Variants in DHFR2 observed in about 807,000 individuals in gnomAD.
DHFR2 encodes dihydrofolate reductase 2, mitochondrial.
DHFR2 carries 11 observed loss-of-function variants against 12.0 expected under a neutral mutation model. That is an observed-to-expected ratio of 0.92 (90% CI 0.58 to 1.52). The LOEUF is 1.52. Among genes scored for constraint, DHFR2 ranks in the 40% most tolerant of loss-of-function variants. DHFR2 has a pLI of 0.00. For synonymous variants in DHFR2, 87 were observed against 79.6 expected, an observed-to-expected ratio of 1.09 and a Z score of -0.49; for missense variants, 188 against 221.2, an observed-to-expected ratio of 0.85 and a Z score of 0.95.
intron 1 of DHFR2, among the ~76,000 whole-genome samples, chr3:94,061,841 T>G (rs2077177239): frequency 6.6e-6 from 1 of 151,940 alleles, no homozygotes; most frequent in Non-Finnish European, 1.5e-5. Flanking sequence ...ATTATCATAG[T>G]CTTTTGTACC....
chr3:94,061,906 T>C (rs2077177608), intron 1 of DHFR2, among the ~76,000 whole-genome samples: 1 of 151,924 alleles, frequency 6.6e-6, no homozygotes, highest in Non-Finnish European at 1.5e-5. Flanking sequence ...CTTGTTTAAA[T>C]AAATAAATAT....
Position 94,061,802 on chromosome 3 carries a change from A to G in DHFR2, c.-95-196T>C, listed in dbSNP as rs1022204842. ...TTTCCACAAACATTAAACAGACGGC[A>G]TCCAAGAGATGGCATCATTTCATTC... On this transcript the variant is annotated intron_variant, in intron 1 of 1. Transcript: ENST00000314636. Among the ~76,000 whole-genome samples the G allele has an allele frequency of 5.0e-4, 76 of 151,754 alleles. 1 individual carries two copies. The highest frequency in any genetic ancestry group is 6.6e-5 in the Admixed American group (1 of 15,248).
Position 94,058,308 on chromosome 3 carries a change from A to C in DHFR2, c.*2640T>G, listed in dbSNP as rs1351735290. ...TTTTTAGTTTTTCAAGTGAATACATATATTAATACATGTAATCTTTAAAAG... is the reference window on the plus strand; with the variant it reads ...TTTTTAGTTTTTCAAGTGAATACATCTATTAATACATGTAATCTTTAAAAG... On this transcript the variant is annotated 3_prime_UTR_variant, in exon 2 of 2. Coordinates refer to ENST00000314636, the MANE Select transcript of DHFR2 (RefSeq NM_176815.5). The C allele has an allele frequency of 1.3e-5, 2 of 152,128 alleles. No homozygotes were observed. The highest frequency in any genetic ancestry group is 2.9e-5 in the Non-Finnish European group (2 of 68,018). The allele number at this position is 152,128 out of a possible 1,614,324, so 9.4% of individuals were successfully genotyped here.
At position 94,058,732 on chromosome 3, in the gene DHFR2, GT is replaced by G. The variant is rs1221588717; in HGVS notation, c.*2215del. 0.036 allele frequency: 4,620 copies of G among 126,738 alleles called. 126 individuals carry two copies. The highest frequency in any genetic ancestry group is 0.091 in the African/African-American group (3,093 of 34,044). 7.9% of individuals were successfully genotyped at this position (126,738 alleles called of 1,614,324 possible). The stretch of plus-strand genomic sequence containing the variant: ...CAACCCTTCCCCCTTGTTTTTTTTT[GT>G]TTTTTTTTTTTTTTACTTTTGCTTT... On this transcript the variant is annotated 3_prime_UTR_variant, in exon 2 of 2. Coordinates refer to ENST00000314636, the MANE Select transcript of DHFR2 (RefSeq NM_176815.5).
rs2077184362 is a variant in DHFR2 at position 94,062,791 on chromosome 3, G to T, written c.-141C>A. On this transcript the variant is annotated 5_prime_UTR_variant, in exon 1 of 2. Transcript: ENST00000314636. Reference sequence around the variant, plus strand: ...GGGCCGCACAGGCGCGCAGATGTGTGACTTTCTAAGGTCCGGCCGCCCAAA... The same window carrying T: ...GGGCCGCACAGGCGCGCAGATGTGTTACTTTCTAAGGTCCGGCCGCCCAAA... 5.9e-6 allele frequency: 2 copies of T among 336,646 alleles called. No homozygotes were observed. Among genetic ancestry groups the T allele is most frequent in the Non-Finnish European group, 1.1e-5 (2 of 178,220 alleles). The allele number at this position is 336,646 out of a possible 1,614,324, so 20.9% of individuals were successfully genotyped here.
upstream of DHFR2, chr3:94,063,075 T>G: frequency 6.2e-7 from 1 of 1,612,320 alleles, no homozygotes; most frequent in Non-Finnish European, 8.5e-7. Flanking sequence ...CCCTGGAGGC[T>G]TTTTGATACT....
chr3:94,062,208 A>G (rs1192931218), intron 1 of DHFR2, among the ~76,000 whole-genome samples: 1 of 152,184 alleles, frequency 6.6e-6, no homozygotes, highest in Non-Finnish European at 1.5e-5. Flanking sequence ...TGTAAAGGTG[A>G]ATTGGGGAGG....
Position 94,061,463 on chromosome 3 carries a change from T to C in DHFR2, c.49A>G (p.Ile17Val), listed in dbSNP as rs2077174553. The C allele has an allele frequency of 1.9e-6, 3 of 1,614,220 alleles. No individual in the cohort carries two copies. The highest frequency in any genetic ancestry group is 2.5e-6 in the Non-Finnish European group (3 of 1,180,048). Residue 17 changes from isoleucine to valine, a missense_variant, in exon 2 of 2, where the codon ATC becomes GTC. By Grantham distance (29) the Ile-to-Val change is conservative. Coordinates refer to ENST00000314636, the MANE Select transcript of DHFR2 (RefSeq NM_176815.5). ...CIVAVSQNMG[I>V]GKNGDLPRPP... ...CTGGGCAGGTCCCCGTTCTTGCCGA[T>C]GCCCATGTTTTGGGACACAGCGACG...
Position 94,061,593 on chromosome 3 carries a change from A to T in DHFR2, c.-82T>A, listed in dbSNP as rs1309391772. 49 of 1,585,756 alleles carry T rather than the reference A, an allele frequency of 3.1e-5. No homozygotes were observed. The highest frequency in any genetic ancestry group is 3.9e-5 in the Non-Finnish European group (46 of 1,165,868). The stretch of plus-strand genomic sequence containing the variant: ...AATGCCGCGAAATTCCCTTCTTCAA[A>T]TTTTTTTACGTGCCTACATTGCAAA... On this transcript the variant is annotated 5_prime_UTR_variant, in exon 2 of 2. Coordinates refer to ENST00000314636, the MANE Select transcript of DHFR2 (RefSeq NM_176815.5).
chr3:94,061,308 TA>T lies in DHFR2; in HGVS notation c.203del (p.Leu68Ter). 3 of 1,614,026 alleles carry T rather than the reference TA, an allele frequency of 1.9e-6. No homozygotes were observed. The highest frequency in any genetic ancestry group is 2.5e-6 in the Non-Finnish European group (3 of 1,179,902). Reference sequence around the variant, plus strand: ...TGAGAACTAAATTAATTCTATCCTTTAAAGGTCGATTCTTCTCAGGAATGGA... The same window carrying T: ...TGAGAACTAAATTAATTCTATCCTTTAAGGTCGATTCTTCTCAGGAATGGA... ...WFSIPEKNRP[L>X]KDRINLVLSR... is the part of the protein sequence containing the mutation. On this transcript the variant is annotated frameshift_variant, in exon 2 of 2. Transcript: ENST00000314636. LOFTEE classifies it high-confidence loss of function.
At position 94,061,063 on chromosome 3, in the gene DHFR2, GA is replaced by G; in HGVS notation, c.448del (p.Ser150GlnfsTer53). Reference sequence around the variant, plus strand: ...TTTATATTTCTCCAAGTCAATTTCTGAAAAAAACGTGTCACTTTCAAAGTCC... The same window carrying G: ...TTTATATTTCTCCAAGTCAATTTCTGAAAAAACGTGTCACTTTCAAAGTCC... ...MQDFESDTFFSEIDLEKYKLL... is the reference protein window; with the variant it reads ...MQDFESDTFFXEIDLEKYKLL... On this transcript the variant is annotated frameshift_variant, in exon 2 of 2. Transcript: ENST00000314636. LOFTEE classifies it high-confidence loss of function. The G allele has an allele frequency of 6.2e-7, 1 of 1,613,758 alleles. No individual in the cohort carries two copies. Among genetic ancestry groups the G allele is most frequent in the African/African-American group, 1.3e-5 (1 of 74,974 alleles).
At chr3:94,063,270 T>G (rs2077189006), upstream of DHFR2, 1 of 919,012 alleles carries the variant, frequency 1.1e-6, no homozygotes, top group Non-Finnish European at 1.8e-6. Context: ...CAGCGTTTCT[T>G]TGGCTTTACT....
Position 94,058,606 on chromosome 3 carries a change from A to G in DHFR2, c.*2342T>C, listed in dbSNP as rs141299617. The stretch of plus-strand genomic sequence containing the variant: ...CTAAGCAGTCAGTCACCACATCATT[A>G]TGACTATGTACATATTGCCCATTGT... On this transcript the variant is annotated 3_prime_UTR_variant, in exon 2 of 2. Coordinates refer to ENST00000314636, the MANE Select transcript of DHFR2 (RefSeq NM_176815.5). 6.5e-6 allele frequency: 1 copy of G among 152,940 alleles called. No individual in the cohort carries two copies. The highest frequency in any genetic ancestry group is 6.5e-5 in the Admixed American group (1 of 15,318). The allele number at this position is 152,940 out of a possible 1,614,324, so 9.5% of individuals were successfully genotyped here.
Position 94,060,966 on chromosome 3 carries a change from T to C in DHFR2, c.546A>G (p.Val182=). 1 of 1,613,682 alleles carries C rather than the reference T, an allele frequency of 6.2e-7. No individual in the cohort carries two copies. The highest frequency in any genetic ancestry group is 8.5e-7 in the Non-Finnish European group (1 of 1,179,668). Residue 182 remains valine, a synonymous_variant, in exon 2 of 2, where the codon GTA becomes GTG. Transcript: ENST00000314636. ...CTTCATATTAATCATCCTTCTCACA[T>C]ACTTCAAATTTGTACTTGATGTGTT... ...EGKHIKYKFE[V]CEKDD is the part of the protein sequence containing the mutation.
Position 94,062,906 on chromosome 3 carries a change from CG to C in DHFR2, c.-257del, listed in dbSNP as rs1421588785. Reference sequence around the variant, plus strand: ...GGAAGTATCAGCCTTTACCAGCTACCGGAAGTAACTGCGCACGAAATCTCCC... The same window carrying C: ...GGAAGTATCAGCCTTTACCAGCTACCGAAGTAACTGCGCACGAAATCTCCC... On this transcript the variant is annotated 5_prime_UTR_variant, in exon 1 of 2. Coordinates refer to ENST00000314636, the MANE Select transcript of DHFR2 (RefSeq NM_176815.5). The C allele has an allele frequency of 3.6e-6, 2 of 561,902 alleles. No individual in the cohort carries two copies. The highest frequency in any genetic ancestry group is 3.8e-5 in the African/African-American group (2 of 53,306). 34.8% of individuals were successfully genotyped at this position (561,902 alleles called of 1,614,324 possible).
At chr3:94,062,012 G>A (rs998864566) in intron 1 of DHFR2, among the ~76,000 whole-genome samples, 1 of 152,114 alleles carries the variant, frequency 6.6e-6, no homozygotes, top group African/African-American at 2.4e-5. Flanking sequence ...TGAGCATCAA[G>A]GAACAACTCA....
chr3:94,062,702 C>T, intron 1 of DHFR2, 44 bp downstream of exon 1: 1 of 235,946 alleles, frequency 4.2e-6, no homozygotes, highest in Non-Finnish European at 8.6e-6. Context: ...GGCGCGATCA[C>T]GGGTCACTGC....
chr3:94,060,866 A>G lies in DHFR2; in HGVS notation c.*82T>C. On this transcript the variant is annotated 3_prime_UTR_variant, in exon 2 of 2. Transcript: ENST00000314636. ...ATAATTATCCATAGATCTGAAGTCA[A>G]CAAAAGTCCCTTTTCTAATGTAAAA... The G allele has an allele frequency of 6.8e-7, 1 of 1,477,444 alleles. No homozygotes were observed. Among genetic ancestry groups the G allele is most frequent in the South Asian group, 1.3e-5 (1 of 76,204 alleles). 91.5% of individuals were successfully genotyped at this position (1,477,444 alleles called of 1,614,324 possible).
upstream of DHFR2, chr3:94,063,033 G>A: frequency 7.2e-7 from 1 of 1,390,388 alleles, no homozygotes; most frequent in South Asian, 1.2e-5. Context: ...GGATGCCCGC[G>A]AATCCCGGAA....
Sources: gnomAD v4.1 joint callset for allele counts (sites outside exome capture counted in the v4.1 genomes callset) on GRCh38, gnomAD v4.1.1 for gene constraint, MANE v1.5 for transcripts, NCBI Gene and HGNC (gene_info 2026-07-23, HGNC 2026-07-21) for gene names.